Variants in RBFOX1 observed in about 807,000 individuals in gnomAD.
RBFOX1 encodes the protein RNA binding fox-1 homolog 1, also known as RNA binding protein fox-1 homolog 1.
RBFOX1 carries 8 observed loss-of-function variants against 57.7 expected under a neutral mutation model. The observed-to-expected ratio is 0.14, with a 90% CI of 0.08 to 0.25. RBFOX1 has a LOEUF of 0.25. Ranked by LOEUF, RBFOX1 falls within the 10% of genes least tolerant of loss-of-function variation. RBFOX1 has a pLI of 1.00. For synonymous variants in RBFOX1, 326 were observed against 222.4 expected, an observed-to-expected ratio of 1.47 and a Z score of -4.15; for missense variants, 611 against 548.5, an observed-to-expected ratio of 1.11 and a Z score of -1.14.
chr16:6,722,266 C>A (rs1460087628), intron 3 of RBFOX1, among the ~76,000 whole-genome samples: 2 of 152,224 alleles, frequency 1.3e-5, no homozygotes, highest in Non-Finnish European at 1.5e-5. Flanking sequence ...TTTCCACCCA[C>A]AGTGCCTAAG....
chr16:5,563,984 A>G (rs1245037222), intron 2 of RBFOX1, among the ~76,000 whole-genome samples: 5 of 152,146 alleles, frequency 3.3e-5, no homozygotes, highest in Non-Finnish European at 7.3e-5. Flanking sequence ...TACTGCTCCA[A>G]GTACTCAGTG....
intron 3 of RBFOX1, among the ~76,000 whole-genome samples, chr16:6,655,864 C>G (rs768144043): frequency 3.9e-5 from 6 of 152,132 alleles, no homozygotes; most frequent in Non-Finnish European, 8.8e-5. Flanking sequence ...GGCATGTCTG[C>G]TGATTAATAA....
At position 5,352,491 on chromosome 16, in the gene RBFOX1, C is replaced by T. The variant is rs146104385; in HGVS notation, c.219+112386C>T. 7.0e-3 allele frequency among the ~76,000 whole-genome samples: 1,064 copies of T among 152,304 alleles called. 16 individuals are homozygous for T. Among genetic ancestry groups the T allele is most frequent in the African/African-American group, 0.025 (1,020 of 41,568 alleles). ...TGGCTTTTTCTTGCACTCTCTGTCT[C>T]TTTATGCACACAGGCTCACATTTTA... On this transcript the variant is annotated intron_variant, in intron 1 of 2. Coordinates refer to the RBFOX1 transcript ENST00000585867.
At chr16:5,478,992 A>G (rs1344292643) in intron 2 of RBFOX1, among the ~76,000 whole-genome samples, 2 of 152,192 alleles carry the variant, frequency 1.3e-5, no homozygotes, top group African/African-American at 4.8e-5. Flanking sequence ...CCCCCTACCC[A>G]TACCTTTATG....
At chr16:7,383,973 G>A (rs1264427380) in intron 4 of RBFOX1, among the ~76,000 whole-genome samples, 1 of 151,342 alleles carries the variant, frequency 6.6e-6, no homozygotes, top group Non-Finnish European at 1.5e-5. Flanking sequence ...AGAATCACTT[G>A]AACCCAGTAG....
chr16:5,634,896 T>C (rs1303588897), intron 3 of RBFOX1, among the ~76,000 whole-genome samples: 2 of 152,224 alleles, frequency 1.3e-5, no homozygotes, highest in African/African-American at 4.8e-5. Context: ...AGTGTTTATA[T>C]GTCTATTCCA....
At chr16:6,420,597 C>G (rs1425020432) in intron 2 of RBFOX1, among the ~76,000 whole-genome samples, 3 of 152,130 alleles carry the variant, frequency 2.0e-5, no homozygotes, top group Non-Finnish European at 4.4e-5. Flanking sequence ...AGGATGGGCC[C>G]TATTACAGAT....
intron 3 of RBFOX1, among the ~76,000 whole-genome samples, chr16:6,811,344 A>C (rs559583862): frequency 6.6e-6 from 1 of 152,350 alleles, no homozygotes; most frequent in South Asian, 2.1e-4. Flanking sequence ...AAGATTTAAA[A>C]ATATTATGGG....
chr16:5,301,618 C>CAAAAAAAA (rs60501583), intron 1 of RBFOX1, among the ~76,000 whole-genome samples: 3 of 87,022 alleles, frequency 3.4e-5, no homozygotes, highest in Admixed American at 1.5e-4. Context: ...GTCTCCATCT[C>CAAAAAAAA]AAAAAAAAAA....
intron 4 of RBFOX1, among the ~76,000 whole-genome samples, chr16:7,379,928 C>A (rs1482939965): frequency 6.6e-6 from 1 of 152,144 alleles, no homozygotes; most frequent in African/African-American, 2.4e-5. Context: ...TCATATCTCA[C>A]CCCACAGCCT....
chr16:5,453,152 T>C (rs2068479745), intron 1 of RBFOX1, among the ~76,000 whole-genome samples: 1 of 152,112 alleles, frequency 6.6e-6, no homozygotes, highest in South Asian at 2.1e-4. Context: ...TCTCACTCCA[T>C]CTATCCATAT....
intron 2 of RBFOX1, among the ~76,000 whole-genome samples, chr16:6,507,941 T>G (rs1442038423): frequency 6.6e-6 from 1 of 152,030 alleles, no homozygotes; most frequent in Non-Finnish European, 1.5e-5. Context: ...CTTTTCACAA[T>G]AGCAAAGACA....
In RBFOX1 at chr16:6,413,106, G is replaced by A. The variant is rs813375; in HGVS notation, c.-64+96049G>A. Among the ~76,000 whole-genome samples, 685 of 152,268 alleles carry A rather than the reference G, an allele frequency of 4.5e-3. 8 individuals are homozygous for A. The highest frequency in any genetic ancestry group is 0.015 in the African/African-American group (639 of 41,558). ...AGGCCAAGGCGGGTGGATCACCTGAGGTCGGGAGTTTGAGACCAGCCTAAC... is the reference window on the plus strand; with the variant it reads ...AGGCCAAGGCGGGTGGATCACCTGAAGTCGGGAGTTTGAGACCAGCCTAAC... On this transcript the variant is annotated intron_variant, in intron 2 of 15. Transcript: ENST00000550418.
intron 4 of RBFOX1, among the ~76,000 whole-genome samples, chr16:5,988,605 T>G (rs2060327968): frequency 6.6e-6 from 1 of 152,054 alleles, no homozygotes; most frequent in Non-Finnish European, 1.5e-5. Context: ...GACGACTGAG[T>G]GCCGTGACAC....
intron 2 of RBFOX1, among the ~76,000 whole-genome samples, chr16:5,494,728 A>C (rs1034822294): frequency 6.6e-6 from 1 of 152,206 alleles, no homozygotes; most frequent in Non-Finnish European, 1.5e-5. Context: ...GGTGAAAGCC[A>C]ACCAGATGGT....
chr16:6,988,729 T>C (rs2090836067), intron 3 of RBFOX1, among the ~76,000 whole-genome samples: 1 of 102,860 alleles, frequency 9.7e-6, no homozygotes, highest in African/African-American at 7.3e-5. Flanking sequence ...CACACCCAGC[T>C]AATTTTTTTT....
At chr16:7,679,346 C>T (rs2074165458) in intron 14 of RBFOX1, among the ~76,000 whole-genome samples, 1 of 152,152 alleles carries the variant, frequency 6.6e-6, no homozygotes, top group South Asian at 2.1e-4. Context: ...TTTATATCAT[C>T]ACAGCATAGA....
In RBFOX1 at chr16:6,381,678, T is replaced by C. The variant is rs552628940; in HGVS notation, c.-64+64621T>C. Among the ~76,000 whole-genome samples, 9 of 152,330 alleles carry C rather than the reference T, an allele frequency of 5.9e-5. No individual in the cohort carries two copies. The South Asian group carries it at 1.7e-3, about 28-fold the overall frequency. On this transcript the variant is annotated intron_variant, in intron 2 of 15. Transcript: ENST00000550418. ...CTTGTGGCACAGATGAGTTTGCTTCTGTCATGACGCTGGGGACATGGGGTC... is the reference window on the plus strand; with the variant it reads ...CTTGTGGCACAGATGAGTTTGCTTCCGTCATGACGCTGGGGACATGGGGTC...
At chr16:6,719,903 G>C (rs1468530579) in intron 3 of RBFOX1, among the ~76,000 whole-genome samples, 1 of 151,692 alleles carries the variant, frequency 6.6e-6, no homozygotes, top group Admixed American at 6.6e-5. Context: ...GACCAGCCTG[G>C]CCATCATGGT....
Sources: gnomAD v4.1 joint callset for allele counts (sites outside exome capture counted in the v4.1 genomes callset) on GRCh38, gnomAD v4.1.1 for gene constraint, MANE v1.5 for transcripts, NCBI Gene and HGNC (gene_info 2026-07-23, HGNC 2026-07-21) for gene names.